The following GARIN2 variants were observed in gnomAD, a reference collection of about 807,000 sequenced individuals.
GARIN2 encodes the protein Golgi-associated RAB2 interactor protein 2.
the GARIN2 span, among the ~76,000 whole-genome samples, chr14:67,226,740 C>T: frequency 6.6e-6 from 1 of 152,162 alleles, no homozygotes; most frequent in Admixed American, 6.5e-5. Flanking sequence ...AACAATGTGG[C>T]TGAAAAACAA....
At chr14:67,212,270 A>G in the GARIN2 span, among the ~76,000 whole-genome samples, 1 of 151,626 alleles carries the variant, frequency 6.6e-6, no homozygotes, top group Non-Finnish European at 1.5e-5. Flanking sequence ...GTGTAGATTA[A>G]AGAAAAAAAT....
chr14:67,208,374 A>C, the GARIN2 span: 1 of 1,614,038 alleles, frequency 6.2e-7, no homozygotes, highest in Non-Finnish European at 8.5e-7. Context: ...AATACATCCA[A>C]GGAGATGAAG....
At chr14:67,199,769 A>C in the GARIN2 span, 13 of 1,538,480 alleles carry the variant, frequency 8.4e-6, no homozygotes, top group Non-Finnish European at 1.2e-5. Context: ...TCCACCAGGC[A>C]TGCCTCCTCC....
the GARIN2 span, among the ~76,000 whole-genome samples, chr14:67,220,522 G>A: frequency 6.6e-6 from 1 of 151,840 alleles, no homozygotes; most frequent in African/African-American, 2.4e-5. Flanking sequence ...TTTAAATTGA[G>A]CATCTTAAAT....
chr14:67,226,210 G>C, the GARIN2 span, among the ~76,000 whole-genome samples: 3 of 151,694 alleles, frequency 2.0e-5, no homozygotes, highest in Admixed American at 6.6e-5. Flanking sequence ...TTATTTTTTT[G>C]AGACTGAATC....
the GARIN2 span, chr14:67,203,107 G>A: frequency 1.9e-6 from 3 of 1,612,940 alleles, no homozygotes; most frequent in South Asian, 1.1e-5. Flanking sequence ...AACAGAAGAG[G>A]TGAATCCATT....
chr14:67,226,342 C>A, the GARIN2 span, among the ~76,000 whole-genome samples: 7 of 151,092 alleles, frequency 4.6e-5, no homozygotes, highest in African/African-American at 1.7e-4. Context: ...CAGACAAGCA[C>A]CACCACAACC....
chr14:67,224,625 A>ATTT, the GARIN2 span: 2 of 270,590 alleles, frequency 7.4e-6, no homozygotes, highest in South Asian at 3.3e-5. Context: ...TAACTTTTAA[A>ATTT]TTTTTTTTTT....
At chr14:67,198,211 C>T in the GARIN2 span, 9 of 1,613,766 alleles carry the variant, frequency 5.6e-6, no homozygotes, top group Non-Finnish European at 7.6e-6. Context: ...AAGCAAGATG[C>T]TCTCTGCACC....
the GARIN2 span, chr14:67,203,213 ACCTGGTGC>A: frequency 1.2e-6 from 2 of 1,613,776 alleles, no homozygotes; most frequent in South Asian, 1.1e-5. Context: ...CCCATCTGAC[ACCTGGTGC>A]CCAAAAAGAT....
At chr14:67,225,284 GTC>G in the GARIN2 span, 3 of 1,453,912 alleles carry the variant, frequency 2.1e-6, no homozygotes, top group Non-Finnish European at 2.7e-6. Context: ...TTAATTATAA[GTC>G]TCTATAGGAA....
At chr14:67,224,889 G>C in the GARIN2 span, 3 of 386,844 alleles carry the variant, frequency 7.8e-6, no homozygotes, top group African/African-American at 6.4e-5. Flanking sequence ...AAAGGAGGGA[G>C]CCCTCTAAAA....
the GARIN2 span, chr14:67,200,274 C>T: frequency 1.3e-6 from 1 of 758,286 alleles, no homozygotes; most frequent in East Asian, 2.9e-5. Context: ...CAGGCCCACT[C>T]CCCAGCCACC....
chr14:67,191,141 T>A, the GARIN2 span, among the ~76,000 whole-genome samples: 1 of 152,044 alleles, frequency 6.6e-6, no homozygotes, highest in Non-Finnish European at 1.5e-5. Flanking sequence ...GGCTGAAGCA[T>A]GAGAATCACT....
the GARIN2 span, among the ~76,000 whole-genome samples, chr14:67,205,303 TA>T: frequency 6.6e-6 from 1 of 152,120 alleles, no homozygotes; most frequent in African/African-American, 2.4e-5. Context: ...ACCCTTAACA[TA>T]AATCTTAGCC....
At chr14:67,199,990 C>T in the GARIN2 span, 1 of 1,079,418 alleles carries the variant, frequency 9.3e-7, no homozygotes, top group Non-Finnish European at 1.3e-6. Flanking sequence ...TCAGATGCAG[C>T]TGGCACACCA....
At chr14:67,210,181 C>G in the GARIN2 span, among the ~76,000 whole-genome samples, 2 of 152,144 alleles carry the variant, frequency 1.3e-5, no homozygotes, top group Non-Finnish European at 2.9e-5. Flanking sequence ...TATGGAAAAC[C>G]TGTAAGTAAT....
the GARIN2 span, chr14:67,201,686 G>C: frequency 2.7e-6 from 1 of 368,190 alleles, no homozygotes; most frequent in Admixed American, 3.3e-5. Context: ...CATCATCCCT[G>C]AGCCATGATA....
At chr14:67,204,953 A>C in the GARIN2 span, 1 of 1,607,254 alleles carries the variant, frequency 6.2e-7, no homozygotes, top group Non-Finnish European at 8.5e-7. Context: ...GAGGTCCCGG[A>C]TGTAAGAATT....
Sources: gnomAD v4.1 joint callset for allele counts (sites outside exome capture counted in the v4.1 genomes callset) on GRCh38, gnomAD v4.1.1 for gene constraint, MANE v1.5 for transcripts, NCBI Gene and HGNC (gene_info 2026-07-23, HGNC 2026-07-21) for gene names.